The following SGF29 variants were observed in gnomAD, a reference collection of about 807,000 sequenced individuals.
The protein encoded by SGF29 is SAGA complex associated factor 29.
SGF29 carries 15 observed loss-of-function variants against 38.1 expected under a neutral mutation model. The observed-to-expected ratio is 0.39, with a 90% CI of 0.26 to 0.61. SGF29 has a LOEUF of 0.61. Ranked by LOEUF, SGF29 falls within the 20% of genes least tolerant of loss-of-function variation. The pLI is 0.49. For missense variants in SGF29, 184 were observed against 394.6 expected, an observed-to-expected ratio of 0.47 and a Z score of 4.52; for synonymous variants, 151 against 160.8, an observed-to-expected ratio of 0.94 and a Z score of 0.46.
intron 2 of SGF29, among the ~76,000 whole-genome samples, chr16:28,582,714 C>T (rs1309008572): frequency 6.6e-6 from 1 of 152,114 alleles, no homozygotes; most frequent in African/African-American, 2.4e-5. Flanking sequence ...GAGGCTGAGG[C>T]GGGTGGATCA....
intron 1 of SGF29, among the ~76,000 whole-genome samples, chr16:28,569,123 T>G (rs190403144): frequency 9.2e-5 from 14 of 151,622 alleles, no homozygotes; most frequent in African/African-American, 1.2e-4. Context: ...AAGAAAGAAA[T>G]AAAAATAAAA....
At chr16:28,562,793 A>G (rs1288675392) in intron 1 of SGF29, among the ~76,000 whole-genome samples, 1 of 150,676 alleles carries the variant, frequency 6.6e-6, no homozygotes, top group Non-Finnish European at 1.5e-5. Flanking sequence ...AGTCTCAGCT[A>G]CTTGGGAGGC....
intron 1 of SGF29, among the ~76,000 whole-genome samples, chr16:28,568,811 G>T (rs552956523): frequency 6.6e-6 from 1 of 152,130 alleles, no homozygotes; most frequent in Non-Finnish European, 1.5e-5. Context: ...TACTTGGGAG[G>T]CTGAGGCAGG....
intron 1 of SGF29, among the ~76,000 whole-genome samples, chr16:28,555,814 C>CT (rs2046747278): frequency 6.6e-6 from 1 of 152,192 alleles, no homozygotes; most frequent in Non-Finnish European, 1.5e-5. Flanking sequence ...ACTGGTGATA[C>CT]TTTGAGTGTT....
intron 2 of SGF29, among the ~76,000 whole-genome samples, chr16:28,583,553 A>G (rs2046938712): frequency 6.6e-6 from 1 of 152,212 alleles, no homozygotes; most frequent in Non-Finnish European, 1.5e-5. Context: ...AAATTCTCAC[A>G]TAAAGGCTAA....
At chr16:28,563,324 C>G (rs904132168) in intron 1 of SGF29, among the ~76,000 whole-genome samples, 9 of 152,104 alleles carry the variant, frequency 5.9e-5, no homozygotes, top group African/African-American at 2.2e-4. Flanking sequence ...GTTAGATGGT[C>G]CACTTTGAAA....
At chr16:28,563,477 C>G (rs1375611154) in intron 1 of SGF29, among the ~76,000 whole-genome samples, 1 of 152,134 alleles carries the variant, frequency 6.6e-6, no homozygotes, top group Non-Finnish European at 1.5e-5. Context: ...AAGTTTCAAC[C>G]TCTGTGTGTT....
chr16:28,580,520 G>A (rs1713999412), intron 1 of SGF29, among the ~76,000 whole-genome samples: 1 of 152,200 alleles, frequency 6.6e-6, no homozygotes, highest in South Asian at 2.1e-4. Context: ...TCCAAGTCCA[G>A]TCGCTGCTTC....
chr16:28,556,195 A>C (rs2046749967), intron 1 of SGF29, among the ~76,000 whole-genome samples: 1 of 152,122 alleles, frequency 6.6e-6, no homozygotes, highest in Admixed American at 6.6e-5. Flanking sequence ...TTTGAGATGG[A>C]GTCTCGCTCT....
In SGF29 at chr16:28,581,144, G is replaced by C; in HGVS notation, c.75G>C (p.Gln25His). ...TELHQLIKQT[Q>H]EERSRSEHNL... ...TCCATCAGCTGATCAAACAAACCCA[G>C]GTAAAAAGTCACCACCCTCCATTCC... The change falls in exon 2 of 10, where the codon CAG becomes CAC. Residue 25 changes from glutamine to histidine, a missense_variant and splice_region_variant. Coordinates refer to ENST00000317058, the MANE Select transcript of SGF29 (RefSeq NM_138414.3). 6.2e-7 allele frequency: 1 copy of C among 1,613,816 alleles called. No homozygotes were observed. Among genetic ancestry groups the C allele is most frequent in the South Asian group, 1.1e-5 (1 of 91,020 alleles).
At chr16:28,581,523 C>G (rs569579888) in intron 2 of SGF29, among the ~76,000 whole-genome samples, 16 of 152,178 alleles carry the variant, frequency 1.1e-4, no homozygotes, top group African/African-American at 3.6e-4. Flanking sequence ...CCCTATTAAT[C>G]CAGGCAAACA....
At chr16:28,589,977 T>G (rs1350878157) in intron 5 of SGF29, 119 bp from the exon 6 acceptor site, 7 of 1,399,368 alleles carry the variant, frequency 5.0e-6, no homozygotes, top group African/African-American at 1.4e-5. Context: ...TGCTGGGCCC[T>G]CGGGCTCACT....
intron 1 of SGF29, among the ~76,000 whole-genome samples, chr16:28,561,842 C>G (rs1195739074): frequency 2.0e-5 from 3 of 152,200 alleles, no homozygotes; most frequent in Admixed American, 2.0e-4. Context: ...CATTATGGTT[C>G]CAACCCCAGG....
At chr16:28,569,446 G>A (rs1005735477) in intron 1 of SGF29, among the ~76,000 whole-genome samples, 16 of 151,948 alleles carry the variant, frequency 1.1e-4, no homozygotes, top group African/African-American at 3.9e-4. Context: ...GATCACTTGA[G>A]CTCAGGAGTT....
At chr16:28,585,031 T>C in intron 3 of SGF29, 43 bp downstream of exon 3, 2 of 1,496,380 alleles carry the variant, frequency 1.3e-6, no homozygotes, top group South Asian at 2.3e-5. Flanking sequence ...GAGATGGGGC[T>C]AGGGTGAGTA....
At chr16:28,561,718 G>A (rs889052418) in intron 1 of SGF29, among the ~76,000 whole-genome samples, 1 of 152,122 alleles carries the variant, frequency 6.6e-6, no homozygotes, top group African/African-American at 2.4e-5. Context: ...CAGGGTTTGG[G>A]ACAGTTTTGT....
chr16:28,555,917 A>G (rs1050590877), intron 1 of SGF29, among the ~76,000 whole-genome samples: 16 of 152,220 alleles, frequency 1.1e-4, no homozygotes, highest in African/African-American at 3.1e-4. Flanking sequence ...CTTGGAATTC[A>G]GAGGAAGAGC....
Position 28,556,572 on chromosome 16 carries a change from C to T in SGF29, c.-16+2475C>T, listed in dbSNP as rs150774520. On this transcript the variant is annotated intron_variant, in intron 1 of 9. Transcript: ENST00000317058. ...ATGTTGGCCAGGCTGGTCTTGAACT[C>T]CTGATCTTAGTTGATCTGCCGGCCT... Among the ~76,000 whole-genome samples, 249 of 152,316 alleles carry T rather than the reference C, an allele frequency of 1.6e-3. 1 individual carries two copies. Among genetic ancestry groups the T allele is most frequent in the African/African-American group, 5.7e-3 (236 of 41,570 alleles).
chr16:28,576,472 A>T (rs1284748023), intron 1 of SGF29, among the ~76,000 whole-genome samples: 1 of 152,158 alleles, frequency 6.6e-6, no homozygotes, highest in African/African-American at 2.4e-5. Context: ...AGGTCAAGGC[A>T]GGTGGATCAC....
Sources: gnomAD v4.1 joint callset for allele counts (sites outside exome capture counted in the v4.1 genomes callset) on GRCh38, gnomAD v4.1.1 for gene constraint, MANE v1.5 for transcripts, NCBI Gene and HGNC (gene_info 2026-07-23, HGNC 2026-07-21) for gene names.